The following CTNNA3 variants were observed in gnomAD, a reference collection of about 807,000 sequenced individuals.
The protein encoded by CTNNA3 is catenin alpha 3, also known as catenin alpha-3.
A neutral mutation model predicts 95.7 loss-of-function variants in CTNNA3; 76 were observed. That is an observed-to-expected ratio of 0.79 (90% CI 0.66 to 0.96). The LOEUF is 0.96. Among genes scored for constraint, CTNNA3 ranks in the 40% least tolerant of loss-of-function variants. The probability of loss-of-function intolerance (pLI) is 0.00; values close to 1 mark genes in which losing one functional copy is unlikely to be tolerated. For synonymous variants in CTNNA3, 431 were observed against 374.4 expected (o/e 1.15, Z -1.74); for missense variants, 1,191 against 1,089.8 (o/e 1.09, Z -1.31).
chr10:66,461,628 G>T (rs932166051), intron 11 of CTNNA3, among the ~76,000 whole-genome samples: 2 of 149,532 alleles, frequency 1.3e-5, no homozygotes, highest in Admixed American at 6.7e-5. Flanking sequence ...TATATAATAA[G>T]GAGATATCAT....
chr10:65,984,452 T>C (rs1487177376), intron 16 of CTNNA3, among the ~76,000 whole-genome samples: 1 of 151,384 alleles, frequency 6.6e-6, no homozygotes, highest in Non-Finnish European at 1.5e-5. Context: ...GAAACTATTT[T>C]ATGTATGAAA....
At chr10:66,558,910 C>G (rs932604919) in intron 10 of CTNNA3, among the ~76,000 whole-genome samples, 4 of 151,988 alleles carry the variant, frequency 2.6e-5, no homozygotes, top group African/African-American at 9.7e-5. Context: ...GATCCAAATC[C>G]AAATGTCTTT....
At chr10:66,740,710 G>T (rs1435027241) in intron 9 of CTNNA3, among the ~76,000 whole-genome samples, 4 of 152,056 alleles carry the variant, frequency 2.6e-5, no homozygotes, top group African/African-American at 7.2e-5. Context: ...CTCTCTTTCT[G>T]CCATTACAAA....
At chr10:66,423,340 T>C (rs1172457090) in intron 11 of CTNNA3, among the ~76,000 whole-genome samples, 1 of 152,126 alleles carries the variant, frequency 6.6e-6, no homozygotes, top group African/African-American at 2.4e-5. Flanking sequence ...ATATCGTATT[T>C]AGTCTTAAAA....
chr10:66,312,319 G>C (rs979530137), intron 12 of CTNNA3, among the ~76,000 whole-genome samples: 2 of 152,096 alleles, frequency 1.3e-5, no homozygotes, highest in African/African-American at 4.8e-5. Flanking sequence ...GCCTTGGGTA[G>C]CTATCAAGTA....
chr10:66,507,784 C>A (rs182215212), intron 11 of CTNNA3, among the ~76,000 whole-genome samples: 2 of 152,182 alleles, frequency 1.3e-5, no homozygotes, highest in African/African-American at 4.8e-5. Context: ...CATACCCTGG[C>A]TATTGAGAAT....
At chr10:66,922,882 G>A (rs1479465732) in intron 7 of CTNNA3, among the ~76,000 whole-genome samples, 1 of 151,972 alleles carries the variant, frequency 6.6e-6, no homozygotes, top group East Asian at 1.9e-4. Flanking sequence ...TTTGATATAG[G>A]CATGCAATGT....
intron 15 of CTNNA3, among the ~76,000 whole-genome samples, chr10:66,028,581 A>T (rs112336102): frequency 7.1e-6 from 1 of 141,398 alleles, no homozygotes; most frequent in Non-Finnish European, 1.5e-5. Context: ...AACATCACAC[A>T]CCAGGGCCTG....
intron 17 of CTNNA3, among the ~76,000 whole-genome samples, chr10:65,959,136 C>T (rs1051134959): frequency 1.3e-5 from 2 of 152,182 alleles, no homozygotes; most frequent in African/African-American, 4.8e-5. Context: ...GCAGTTCAAT[C>T]TCAGACTGCT....
At chr10:67,082,381 G>A (rs1326690940) in intron 7 of CTNNA3, among the ~76,000 whole-genome samples, 1 of 152,134 alleles carries the variant, frequency 6.6e-6, no homozygotes, top group Non-Finnish European at 1.5e-5. Flanking sequence ...CGCTAGCACT[G>A]AGCAGAAGGA....
intron 15 of CTNNA3, among the ~76,000 whole-genome samples, chr10:66,016,738 AAG>A (rs976397036): frequency 6.6e-6 from 1 of 152,146 alleles, no homozygotes; most frequent in African/African-American, 2.4e-5. Context: ...CATATCATAA[AAG>A]AGATGTGCTT....
chr10:67,308,416 T>C (rs143324551), intron 5 of CTNNA3, among the ~76,000 whole-genome samples: 1,870 of 152,308 alleles, frequency 0.012, 39 homozygotes, highest in African/African-American at 0.043. Flanking sequence ...CCTGCCACCA[T>C]GTAAGACATG....
intron 12 of CTNNA3, among the ~76,000 whole-genome samples, chr10:66,336,597 T>A (rs2092399188): frequency 6.6e-6 from 1 of 152,150 alleles, no homozygotes; most frequent in Non-Finnish European, 1.5e-5. Context: ...CTTCACACAA[T>A]ATTTTTTGTA....
chr10:66,721,038 G>A (rs1032965414), intron 9 of CTNNA3, among the ~76,000 whole-genome samples: 2 of 152,098 alleles, frequency 1.3e-5, no homozygotes, highest in African/African-American at 4.8e-5. Flanking sequence ...GGTTTGAGAT[G>A]GGGCCACAGA....
Position 67,175,088 on chromosome 10 carries a change from A to G in CTNNA3, c.1047+5229T>C, listed in dbSNP as rs1284026682. On this transcript the variant is annotated intron_variant, in intron 7 of 17. Transcript: ENST00000433211. ...GTCCATGCCAAAAAAAAAAAAAAAG[A>G]AAGGAAGGGAGGGAGGAAGGGCAAG... 1.6e-4 allele frequency among the ~76,000 whole-genome samples: 8 copies of G among 49,728 alleles called. No homozygotes were observed. The East Asian group carries it at 4.1e-3, about 26-fold the overall frequency. 32.6% of individuals were successfully genotyped at this position (49,728 alleles called of 152,430 possible). A position where few individuals can be genotyped will look rare whatever the true frequency, so the allele number is the denominator to read the frequency against.
chr10:66,999,967 C>G (rs1851581791), intron 7 of CTNNA3, among the ~76,000 whole-genome samples: 1 of 152,182 alleles, frequency 6.6e-6, no homozygotes, highest in African/African-American at 2.4e-5. Context: ...ACTGCTCTGT[C>G]AGCTTTAATA....
At chr10:66,783,637 A>T (rs1322478793) in intron 7 of CTNNA3, among the ~76,000 whole-genome samples, 2 of 109,874 alleles carry the variant, frequency 1.8e-5, no homozygotes, top group African/African-American at 5.4e-5. Context: ...AGCTCCTGTG[A>T]GCTCATATGG....
At chr10:67,030,934 G>A (rs1049469711) in intron 7 of CTNNA3, among the ~76,000 whole-genome samples, 1 of 152,150 alleles carries the variant, frequency 6.6e-6, no homozygotes, top group African/African-American at 2.4e-5. Context: ...AACCCGAGAG[G>A]TGGAGGTTGC....
intron 12 of CTNNA3, among the ~76,000 whole-genome samples, chr10:66,323,554 A>C (rs1411834726): frequency 6.6e-6 from 1 of 151,698 alleles, no homozygotes; most frequent in Non-Finnish European, 1.5e-5. Flanking sequence ...AAGGAGGCTG[A>C]GGCAGAAGAA....
Sources: gnomAD v4.1 joint callset for allele counts (sites outside exome capture counted in the v4.1 genomes callset) on GRCh38, gnomAD v4.1.1 for gene constraint, MANE v1.5 for transcripts, NCBI Gene and HGNC (gene_info 2026-07-23, HGNC 2026-07-21) for gene names.